Variants in FAM241A observed in about 807,000 individuals in gnomAD.
FAM241A encodes the protein family with sequence similarity 241 member A.
A neutral mutation model predicts 12.2 loss-of-function variants in FAM241A; 7 were observed. That is an observed-to-expected ratio of 0.58 (90% CI 0.33 to 1.08). FAM241A has a LOEUF of 1.08. Among genes scored for constraint, FAM241A ranks in the 50% least tolerant of loss-of-function variants. The pLI is 0.04. For missense variants in FAM241A, 161 were observed against 169.7 expected (o/e 0.95, Z 0.29); for synonymous variants, 74 against 68.2 (o/e 1.08, Z -0.42).
chr4:112,175,789 A>G (rs868378119), intron 1 of FAM241A, among the ~76,000 whole-genome samples: 1 of 152,028 alleles, frequency 6.6e-6, no homozygotes, highest in Non-Finnish European at 1.5e-5. Flanking sequence ...AAGAAAATGA[A>G]ATGTTCTTAT....
At chr4:112,147,904 C>G (rs1432623409) in intron 1 of FAM241A, among the ~76,000 whole-genome samples, 1 of 152,030 alleles carries the variant, frequency 6.6e-6, no homozygotes, top group African/African-American at 2.4e-5. Context: ...CTACTTGGCA[C>G]GCTCACTTCG....
At chr4:112,145,922 G>A (rs1723127486) in intron 1 of FAM241A, among the ~76,000 whole-genome samples, 189 bp downstream of exon 1, 1 of 151,538 alleles carries the variant, frequency 6.6e-6, no homozygotes, top group South Asian at 2.1e-4. Flanking sequence ...GAGCGGCGGG[G>A]TCGCGCGAGT....
rs1431763565 is a variant in FAM241A at position 112,192,808 on chromosome 4, C to A, written c.*5870C>A. ...TGTGAATAGTGCTGCAATAAACATA[C>A]GTGTGCATGTGTCTTTATAGCAGCA... On this transcript the variant is annotated 3_prime_UTR_variant, in exon 2 of 2. Transcript: ENST00000309733. 1 of 151,652 alleles carries A rather than the reference C, an allele frequency of 6.6e-6. No individual in the cohort carries two copies. Among genetic ancestry groups the A allele is most frequent in the African/African-American group, 2.4e-5 (1 of 41,172 alleles). 9.4% of individuals were successfully genotyped at this position (151,652 alleles called of 1,614,324 possible).
In FAM241A at chr4:112,191,076, C is replaced by T. The variant is rs546514667; in HGVS notation, c.*4138C>T. The T allele has an allele frequency of 1.1e-4, 17 of 152,356 alleles. No individual in the cohort carries two copies. The highest frequency in any genetic ancestry group is 4.1e-4 in the South Asian group (2 of 4,826). 9.4% of individuals were successfully genotyped at this position (152,356 alleles called of 1,614,324 possible). A position where few individuals can be genotyped will look rare whatever the true frequency, so the allele number is the denominator to read the frequency against. The stretch of plus-strand genomic sequence containing the variant: ...GTACCCAAGACTCAGCGTGTCCAAA[C>T]GAGCGCAGCATCCTTCTCCCAAATC... On this transcript the variant is annotated 3_prime_UTR_variant, in exon 2 of 2. Coordinates refer to ENST00000309733, the MANE Select transcript of FAM241A (RefSeq NM_152400.3).
rs2110439733 is a variant in FAM241A, at chr4:112,192,584, A to C, written c.*5646A>C. The C allele has an allele frequency of 6.8e-6, 1 of 148,044 alleles. No individual in the cohort carries two copies. The highest frequency in any genetic ancestry group is 2.1e-4 in the South Asian group (1 of 4,716). The allele number at this position is 148,044 out of a possible 1,614,324, so 9.2% of individuals were successfully genotyped here. Reference sequence around the variant, plus strand: ...ATTGTTCAATTCCCATCTATGAGTGAGAACATGTGGTGTTTGGTTTTTTGT... The same window carrying C: ...ATTGTTCAATTCCCATCTATGAGTGCGAACATGTGGTGTTTGGTTTTTTGT... On this transcript the variant is annotated 3_prime_UTR_variant, in exon 2 of 2. Transcript: ENST00000309733.
In FAM241A at chr4:112,194,715, G is replaced by A. The variant is rs937695936; in HGVS notation, c.*7777G>A. The A allele has an allele frequency of 7.2e-5, 11 of 152,274 alleles. No individual in the cohort carries two copies. The highest frequency in any genetic ancestry group is 2.6e-4 in the African/African-American group (11 of 41,546). The allele number at this position is 152,274 out of a possible 1,614,324, so 9.4% of individuals were successfully genotyped here. ...GGATGAAGCCCACTTGAACATGGTG[G>A]ATAAGCTTTTTGATGTGCTGCTGGA... On this transcript the variant is annotated 3_prime_UTR_variant, in exon 2 of 2. Transcript: ENST00000309733.
intron 1 of FAM241A, among the ~76,000 whole-genome samples, chr4:112,166,832 T>C (rs897912056): frequency 6.6e-6 from 1 of 152,136 alleles, no homozygotes. Flanking sequence ...TTAAAAATAC[T>C]GGCCGGGCGC....
intron 1 of FAM241A, among the ~76,000 whole-genome samples, chr4:112,152,122 A>G (rs565670795): frequency 1.3e-5 from 2 of 152,298 alleles, no homozygotes; most frequent in East Asian, 3.9e-4. Context: ...ATAATTTTGC[A>G]TTTGATAGGC....
intron 1 of FAM241A, among the ~76,000 whole-genome samples, chr4:112,174,052 G>T (rs1037941679): frequency 3.3e-5 from 5 of 152,174 alleles, no homozygotes. Context: ...GGAGGAGTAG[G>T]CCTCTGGTGT....
rs17852081 is a variant in FAM241A, at chr4:112,145,717, C to A, written c.137C>A (p.Pro46Gln). ...AGCCCGCGGCGGCGCGGACAGCGGC[C>A]GAAGGAGAGCGAGCAGGTGAGCGCG... ...GASPRRRGQR[P>Q]KESEQDVEDS... The change falls in exon 1 of 2, where the codon CCG (proline) becomes CAG (glutamine). Residue 46 changes from proline to glutamine, a missense_variant. Coordinates refer to ENST00000309733, the MANE Select transcript of FAM241A (RefSeq NM_152400.3). The A allele has an allele frequency of 4.2e-6, 5 of 1,194,992 alleles. No individual in the cohort carries two copies. The African/African-American group carries it at 8.0e-5, about 19-fold the overall frequency. The allele number at this position is 1,194,992 out of a possible 1,614,324, so 74.0% of individuals were successfully genotyped here.
At chr4:112,153,096 A>G (rs1190706236) in intron 1 of FAM241A, among the ~76,000 whole-genome samples, 2 of 152,218 alleles carry the variant, frequency 1.3e-5, no homozygotes, top group Non-Finnish European at 1.5e-5. Context: ...TTTATTGAAC[A>G]AAGTGTTAAG....
intron 1 of FAM241A, among the ~76,000 whole-genome samples, chr4:112,151,150 C>T (rs191500785): frequency 4.7e-4 from 72 of 152,232 alleles, no homozygotes; most frequent in African/African-American, 1.7e-3. Context: ...CCCTCATAAA[C>T]GGCTTAGTGC....
chr4:112,160,691 CTGGCATAAAAACAGACACATAGA>C (rs1723446485), intron 1 of FAM241A, among the ~76,000 whole-genome samples: 1 of 152,152 alleles, frequency 6.6e-6, no homozygotes, highest in African/African-American at 2.4e-5. Flanking sequence ...CAGTGTGGTA[CTGGCATAAAAACAGACACATAGA>C]CCAATGGAAC....
At chr4:112,179,734 G>T (rs992437343) in intron 1 of FAM241A, among the ~76,000 whole-genome samples, 1 of 140,516 alleles carries the variant, frequency 7.1e-6, no homozygotes, top group African/African-American at 2.6e-5. Flanking sequence ...TTAAAAAAAA[G>T]AACTTCAAAC....
intron 1 of FAM241A, among the ~76,000 whole-genome samples, chr4:112,176,748 A>T (rs1204818507): frequency 6.6e-6 from 1 of 152,248 alleles, no homozygotes; most frequent in Non-Finnish European, 1.5e-5. Context: ...GACCAAAAAA[A>T]GAGTATCACT....
chr4:112,166,005 T>C (rs773021339), intron 1 of FAM241A, among the ~76,000 whole-genome samples: 7 of 152,044 alleles, frequency 4.6e-5, no homozygotes, highest in African/African-American at 1.4e-4. Flanking sequence ...TATCAAAATA[T>C]CTCGTGCCCC....
chr4:112,148,624 G>A (rs1295602886), intron 1 of FAM241A, among the ~76,000 whole-genome samples: 1 of 152,166 alleles, frequency 6.6e-6, no homozygotes. Flanking sequence ...AGGATCAGGT[G>A]TCTAAAGAGA....
chr4:112,145,501 C>A lies in FAM241A; in HGVS notation c.-80C>A. ...GCGGGTGCGGCGGATCCCAGGGCAG[C>A]CTTCGGGCGGCGGCGCTGCCTGGTG... On this transcript the variant is annotated 5_prime_UTR_variant, in exon 1 of 2. Coordinates refer to ENST00000309733, the MANE Select transcript of FAM241A (RefSeq NM_152400.3). 8.5e-7 allele frequency: 1 copy of A among 1,179,292 alleles called. No individual in the cohort carries two copies. Among genetic ancestry groups the A allele is most frequent in the South Asian group, 4.2e-5 (1 of 23,780 alleles). 73.1% of individuals were successfully genotyped at this position (1,179,292 alleles called of 1,614,324 possible).
rs948930641 is a variant in FAM241A at position 112,190,404 on chromosome 4, G to A, written c.*3466G>A. 5 of 151,950 alleles carry A rather than the reference G, an allele frequency of 3.3e-5. No homozygotes were observed. Among genetic ancestry groups the A allele is most frequent in the African/African-American group, 7.3e-5 (3 of 41,370 alleles). 9.4% of individuals were successfully genotyped at this position (151,950 alleles called of 1,614,324 possible). A position where few individuals can be genotyped will look rare whatever the true frequency, so the allele number is the denominator to read the frequency against. On this transcript the variant is annotated 3_prime_UTR_variant, in exon 2 of 2. Coordinates refer to ENST00000309733, the MANE Select transcript of FAM241A (RefSeq NM_152400.3). ...AAAAAAAAATGTAAGACGGCCAGGCGCGGTGGCTCATCCCTATAAAAGTGC... is the reference window on the plus strand; with the variant it reads ...AAAAAAAAATGTAAGACGGCCAGGCACGGTGGCTCATCCCTATAAAAGTGC...
Sources: allele counts gnomAD v4.1 joint callset (sites outside exome capture counted in the v4.1 genomes callset), GRCh38; gene constraint gnomAD v4.1.1; transcripts MANE v1.5; gene names NCBI Gene and HGNC (gene_info 2026-07-23, HGNC 2026-07-21).